The following RHOU variants were observed in gnomAD, a reference collection of about 807,000 sequenced individuals.
The protein encoded by RHOU is rho-related GTP-binding protein RhoU.
A neutral mutation model predicts 12.6 loss-of-function variants in RHOU; 8 were observed. The ratio of observed to expected loss-of-function variants is 0.64; its 90% CI spans 0.37 to 1.15. The LOEUF (loss-of-function observed/expected upper bound fraction) is 1.15, where lower values mean the gene tolerates loss of function less well. Among genes scored for constraint, RHOU ranks in the 50% most tolerant of loss-of-function variants. The pLI, the probability that RHOU is intolerant of heterozygous loss-of-function variation, is 0.01. For missense variants in RHOU, 258 were observed against 347.0 expected (o/e 0.74, Z 2.04); for synonymous variants, 161 against 147.4 (o/e 1.09, Z -0.67).
the RHOU span, among the ~76,000 whole-genome samples, chr1:228,688,820 TCA>T: frequency 6.6e-6 from 1 of 152,206 alleles, no homozygotes; most frequent in Non-Finnish European, 1.5e-5. Context: ...TAGAATTCTC[TCA>T]GTGTCACTGT....
chr1:228,702,865 GT>G, the RHOU span, among the ~76,000 whole-genome samples: 1 of 152,112 alleles, frequency 6.6e-6, no homozygotes, highest in Non-Finnish European at 1.5e-5. Flanking sequence ...CTTTCAAATA[GT>G]TTTTCTTTTC....
At chr1:228,707,196 CAT>C in the RHOU span, among the ~76,000 whole-genome samples, 1 of 70,642 alleles carries the variant, frequency 1.4e-5, no homozygotes, top group Non-Finnish European at 2.5e-5. Flanking sequence ...TATATATATA[CAT>C]ATATATACAT....
the RHOU span, among the ~76,000 whole-genome samples, chr1:228,694,253 C>T: frequency 3.3e-5 from 5 of 152,158 alleles, no homozygotes; most frequent in Non-Finnish European, 7.3e-5. Flanking sequence ...TATGCAGATA[C>T]AGAGATCATT....
the RHOU span, among the ~76,000 whole-genome samples, chr1:228,683,498 A>G: frequency 6.6e-6 from 1 of 152,220 alleles, no homozygotes; most frequent in Non-Finnish European, 1.5e-5. Context: ...TGGAACAACA[A>G]ATTTTCCATT....
At chr1:228,717,519 C>T in the RHOU span, among the ~76,000 whole-genome samples, 2 of 152,218 alleles carry the variant, frequency 1.3e-5, no homozygotes, top group Non-Finnish European at 2.9e-5. Flanking sequence ...TTTAGTTCTA[C>T]TCTGGAGAGG....
chr1:228,650,240 C>T, the RHOU span: 67 of 457,722 alleles, frequency 1.5e-4, 1 homozygote, highest in South Asian at 9.1e-4. Context: ...CTGTGGAGTA[C>T]GTGGCGCTGG....
At chr1:228,728,463 T>C in the RHOU span, among the ~76,000 whole-genome samples, 1 of 152,220 alleles carries the variant, frequency 6.6e-6, no homozygotes, top group Non-Finnish European at 1.5e-5. Context: ...ATATTAAAGA[T>C]GTAAATGATG....
chr1:228,705,873 G>A, the RHOU span, among the ~76,000 whole-genome samples: 5 of 152,032 alleles, frequency 3.3e-5, no homozygotes, highest in East Asian at 3.9e-4. Flanking sequence ...GTGAAACCCC[G>A]TCTCTACTAA....
chr1:228,743,296 C>A lies in RHOU; in HGVS notation c.333C>A (p.Asp111Glu). ...LCDTAGQDEF[D>E]KLRPLCYTNT... ...TTGCTTGGTTGCAGGATGAATTTGA[C>A]AAGCTGAGGCCTCTCTGCTACACCA... The change falls in exon 3 of 3, where the codon GAC (aspartate) becomes GAA (glutamate). Residue 111 changes from aspartate (D) to glutamate (E), a missense_variant. By Grantham distance (45) the Asp-to-Glu change is conservative (BLOSUM62 2). Transcript: ENST00000366691. This position sits in a 1 kb window ranked among gnomAD's most constrained non-coding sequence, Gnocchi z 5.1. 2 of 1,611,218 alleles carry A rather than the reference C, an allele frequency of 1.2e-6. No homozygotes were observed. Among genetic ancestry groups the A allele is most frequent in the Non-Finnish European group, 1.7e-6 (2 of 1,177,460 alleles).
chr1:228,660,771 T>C, the RHOU span, among the ~76,000 whole-genome samples: 1 of 151,526 alleles, frequency 6.6e-6, no homozygotes, highest in African/African-American at 2.4e-5. Context: ...CCATCTCTAC[T>C]AAAAATACAA....
chr1:228,713,833 G>A, the RHOU span, among the ~76,000 whole-genome samples: 1 of 152,136 alleles, frequency 6.6e-6, no homozygotes, highest in African/African-American at 2.4e-5. Flanking sequence ...TGTGGGATCT[G>A]ACCCTATCTC....
At chr1:228,660,945 A>G in the RHOU span, among the ~76,000 whole-genome samples, 2 of 151,974 alleles carry the variant, frequency 1.3e-5, no homozygotes, top group East Asian at 3.9e-4. Flanking sequence ...AAAAAAAAAA[A>G]AAAAAAAATC....
chr1:228,713,625 G>A, the RHOU span, among the ~76,000 whole-genome samples: 7 of 151,958 alleles, frequency 4.6e-5, no homozygotes, highest in East Asian at 5.8e-4. Context: ...GAGCCACCAC[G>A]CCCAGCCTGT....
the RHOU span, among the ~76,000 whole-genome samples, chr1:228,671,781 A>T: frequency 0.021 from 3,163 of 151,932 alleles, 155 homozygotes; most frequent in East Asian, 0.17. Flanking sequence ...CAACTTTAAC[A>T]CCGTGATTTC....
the RHOU span, among the ~76,000 whole-genome samples, chr1:228,728,492 T>C: frequency 6.6e-6 from 1 of 152,262 alleles, no homozygotes; most frequent in African/African-American, 2.4e-5. Flanking sequence ...TTCATGTTCC[T>C]GGAAAAGCTT....
chr1:228,687,780 T>C, the RHOU span: 4 of 1,353,520 alleles, frequency 3.0e-6, no homozygotes, highest in Non-Finnish European at 4.2e-6. Flanking sequence ...CTCGGCGGAA[T>C]ACCTCTTAGA....
chr1:228,695,730 C>G, the RHOU span, among the ~76,000 whole-genome samples: 6 of 152,208 alleles, frequency 3.9e-5, no homozygotes, highest in Non-Finnish European at 8.8e-5. Context: ...GAGTCACCCT[C>G]CATGTATTTG....
chr1:228,677,408 G>T, the RHOU span, among the ~76,000 whole-genome samples: 627 of 152,224 alleles, frequency 4.1e-3, 2 homozygotes, highest in South Asian at 7.7e-3. Flanking sequence ...CAAGTTTTTG[G>T]GCTCTATCCT....
chr1:228,649,292 C>T, the RHOU span, among the ~76,000 whole-genome samples: 1 of 152,206 alleles, frequency 6.6e-6, no homozygotes, highest in Non-Finnish European at 1.5e-5. Flanking sequence ...TTATTGAATT[C>T]AAGTACCTTT....
Sources: gnomAD v4.1 joint callset for allele counts (sites outside exome capture counted in the v4.1 genomes callset) on GRCh38, gnomAD v4.1.1 for gene constraint, Gnocchi (gnomAD v3.1) non-coding constraint, MANE v1.5 for transcripts, NCBI Gene and HGNC (gene_info 2026-07-23, HGNC 2026-07-21) for gene names.